Variants in PARD3B observed in about 807,000 individuals in gnomAD.
PARD3B encodes the protein partitioning defective 3 homolog B.
Under a neutral mutation model 130.2 loss-of-function variants are expected in PARD3B, and 103 were observed. That is an observed-to-expected ratio of 0.79 (90% CI 0.67 to 0.93). The LOEUF (loss-of-function observed/expected upper bound fraction) is 0.93. PARD3B is among the 40% of genes least tolerant of loss of function. PARD3B has a pLI of 0.00. For synonymous variants in PARD3B, 583 were observed against 553.2 expected (o/e 1.05, Z -0.76); for missense variants, 1,609 against 1,499.2 (o/e 1.07, Z -1.21).
intron 22 of PARD3B, among the ~76,000 whole-genome samples, chr2:205,578,430 C>T (rs764328924): frequency 2.2e-4 from 34 of 152,158 alleles, no homozygotes; most frequent in African/African-American, 6.8e-4. Context: ...TAAGAAGTTA[C>T]GACAGACACA....
At chr2:204,599,125 GCA>G (rs2125103296) in intron 1 of PARD3B, among the ~76,000 whole-genome samples, 1 of 151,826 alleles carries the variant, frequency 6.6e-6, no homozygotes, top group African/African-American at 2.4e-5. Flanking sequence ...TACAGTGAAG[GCA>G]CAGTGATCAG....
In PARD3B at chr2:204,673,928, C is replaced by A. The variant is rs1206800823; in HGVS notation, c.121-12253C>A. ...CCTGCAGTCTACAGTGTTTCTGCTT[C>A]TCCCATGCTGCCCTTGTCTATATCA... On this transcript the variant is annotated intron_variant, in intron 1 of 22. Coordinates refer to ENST00000406610, the MANE Select transcript of PARD3B (RefSeq NM_001302769.2). This position sits in a 1 kb window ranked among gnomAD's most constrained non-coding sequence, Gnocchi z 4.7. Among the ~76,000 whole-genome samples, 1 of 152,174 alleles carries A rather than the reference C, an allele frequency of 6.6e-6. No individual in the cohort carries two copies. Among genetic ancestry groups the A allele is most frequent in the African/African-American group, 2.4e-5 (1 of 41,440 alleles).
chr2:205,481,496 C>T (rs149738238), intron 20 of PARD3B, among the ~76,000 whole-genome samples: 2 of 152,056 alleles, frequency 1.3e-5, no homozygotes, highest in Non-Finnish European at 2.9e-5. Flanking sequence ...GAACCGGGCT[C>T]GTGGAAGAAG....
intron 2 of PARD3B, among the ~76,000 whole-genome samples, chr2:204,882,412 TG>T (rs1054561281): frequency 5.3e-5 from 8 of 152,364 alleles, no homozygotes; most frequent in Non-Finnish European, 1.0e-4. Context: ...AGCCTAATAT[TG>T]GGTAATCTAC....
chr2:205,216,149 ATACT>A (rs908792082), intron 15 of PARD3B, among the ~76,000 whole-genome samples: 1 of 152,196 alleles, frequency 6.6e-6, no homozygotes, highest in African/African-American at 2.4e-5. Context: ...AGAAACACAG[ATACT>A]TACCATTAGG....
rs1335229000 is a variant in PARD3B at position 204,841,844 on chromosome 2, A to G, written c.223-123308A>G. Among the ~76,000 whole-genome samples, 3 of 151,996 alleles carry G rather than the reference A, an allele frequency of 2.0e-5. 1 individual carries two copies. Among genetic ancestry groups the G allele is most frequent in the African/African-American group, 7.3e-5 (3 of 41,330 alleles). ...AGTAATAATTAGCTAATTTTTTTGC[A>G]GAAGTTTTTTGGTGGGGTTTTTTTT... is the stretch of plus-strand genomic sequence containing the variant. On this transcript the variant is annotated intron_variant, in intron 2 of 22. Transcript: ENST00000406610.
chr2:205,511,665 G>A (rs1190635897), intron 21 of PARD3B, among the ~76,000 whole-genome samples: 1 of 152,118 alleles, frequency 6.6e-6, no homozygotes, highest in East Asian at 1.9e-4. Context: ...TTTTATTTTA[G>A]CAGTGCTTAA....
intron 15 of PARD3B, among the ~76,000 whole-genome samples, chr2:205,245,487 GT>G (rs2039533427): frequency 6.6e-6 from 1 of 152,000 alleles, no homozygotes; most frequent in Admixed American, 6.5e-5. Flanking sequence ...TTCTCCTCTT[GT>G]AAATGTGGAA....
intron 4 of PARD3B, among the ~76,000 whole-genome samples, chr2:205,083,483 T>TA (rs1347921992): frequency 6.6e-6 from 1 of 152,056 alleles, no homozygotes; most frequent in Non-Finnish European, 1.5e-5. Flanking sequence ...ATTATGGTTT[T>TA]AAAAACCTAA....
intron 3 of PARD3B, among the ~76,000 whole-genome samples, chr2:205,012,704 A>G (rs180715025): frequency 2.0e-5 from 3 of 152,248 alleles, no homozygotes; most frequent in Non-Finnish European, 4.4e-5. Context: ...TTAACTGCAC[A>G]TATAACTTAA....
intron 2 of PARD3B, among the ~76,000 whole-genome samples, chr2:204,905,834 A>T (rs1172865788): frequency 1.3e-5 from 2 of 152,040 alleles, no homozygotes; most frequent in African/African-American, 4.8e-5. Flanking sequence ...GGGGAAAATG[A>T]CTCTTGAGGA....
intron 22 of PARD3B, among the ~76,000 whole-genome samples, chr2:205,595,765 T>C (rs2054547193): frequency 1.3e-5 from 2 of 152,164 alleles, no homozygotes; most frequent in South Asian, 4.1e-4. Context: ...CTAAAGGAGC[T>C]CACTCACAAT....
rs1200244705 is a variant in PARD3B at position 205,405,605 on chromosome 2, A to T, written c.2741+4482A>T. On this transcript the variant is annotated intron_variant, in intron 19 of 22. Coordinates refer to ENST00000406610, the MANE Select transcript of PARD3B (RefSeq NM_001302769.2). This position sits in a 1 kb window ranked among gnomAD's most constrained non-coding sequence, Gnocchi z 4.1. The stretch of plus-strand genomic sequence containing the variant: ...CCATCAATCTAAGCTTGCAAGAATA[A>T]TTTTTTTCGTTAAAATTTATTTTTA... 2.6e-5 allele frequency among the ~76,000 whole-genome samples: 4 copies of T among 152,120 alleles called. No individual in the cohort carries two copies. The highest frequency in any genetic ancestry group is 4.4e-5 in the Non-Finnish European group (3 of 68,024).
In PARD3B at chr2:205,351,916, C is replaced by T. The variant is rs1452031553; in HGVS notation, c.2631-49097C>T. On this transcript the variant is annotated intron_variant, in intron 18 of 22. Coordinates refer to ENST00000406610, the MANE Select transcript of PARD3B (RefSeq NM_001302769.2). This position sits in a 1 kb window ranked among gnomAD's most constrained non-coding sequence, Gnocchi z 4.2. ...ATCCCAGTGTCTTTCTGTCAAGCTA[C>T]CTGCCTCCCAGGTACACGCGTATTG... is the stretch of plus-strand genomic sequence containing the variant. 6.6e-6 allele frequency among the ~76,000 whole-genome samples: 1 copy of T among 152,146 alleles called. No individual in the cohort carries two copies. The highest frequency in any genetic ancestry group is 2.4e-5 in the African/African-American group (1 of 41,414).
chr2:204,641,302 T>C (rs2035068114), intron 1 of PARD3B, among the ~76,000 whole-genome samples: 1 of 151,560 alleles, frequency 6.6e-6, no homozygotes, highest in African/African-American at 2.4e-5. Flanking sequence ...TAAGGACTCA[T>C]ACAATTTAGT....
chr2:204,685,231 G>A (rs534795955), intron 1 of PARD3B, among the ~76,000 whole-genome samples: 9 of 152,182 alleles, frequency 5.9e-5, no homozygotes, highest in East Asian at 1.9e-4. Flanking sequence ...GTATCTGTTC[G>A]TTTATTGGAT....
Position 204,881,521 on chromosome 2 carries a change from A to G in PARD3B, c.223-83631A>G, listed in dbSNP as rs144726389. 4.5e-3 allele frequency among the ~76,000 whole-genome samples: 682 copies of G among 151,732 alleles called. 4 individuals carry two copies. The highest frequency in any genetic ancestry group is 6.8e-3 in the Middle Eastern group (2 of 292). On this transcript the variant is annotated intron_variant, in intron 2 of 22. Coordinates refer to ENST00000406610, the MANE Select transcript of PARD3B (RefSeq NM_001302769.2). ...TCTTTTTTCCTTTTAGCCCTGAAGGACTCACCAGTGTTATTTTGATTGTCT... is the reference window on the plus strand; with the variant it reads ...TCTTTTTTCCTTTTAGCCCTGAAGGGCTCACCAGTGTTATTTTGATTGTCT...
At chr2:204,726,555 A>G (rs1039169507) in intron 2 of PARD3B, among the ~76,000 whole-genome samples, 9 of 152,132 alleles carry the variant, frequency 5.9e-5, no homozygotes, top group Admixed American at 4.6e-4. Context: ...CCGCATCTCT[A>G]ACCTTTTACC....
chr2:204,777,276 A>T (rs936385785), intron 2 of PARD3B, among the ~76,000 whole-genome samples: 6 of 152,146 alleles, frequency 3.9e-5, no homozygotes, highest in Non-Finnish European at 7.3e-5. Flanking sequence ...AAATATACTG[A>T]ACATTTAAAA....
Sources: allele counts gnomAD v4.1 joint callset (sites outside exome capture counted in the v4.1 genomes callset), GRCh38; gene constraint gnomAD v4.1.1; non-coding constraint Gnocchi (gnomAD v3.1); transcripts MANE v1.5; gene names NCBI Gene and HGNC (gene_info 2026-07-23, HGNC 2026-07-21).